PAX5: variants seen among roughly 807,000 people sequenced by gnomAD.
The protein encoded by PAX5 is paired box protein Pax-5.
Under a neutral mutation model 43.7 loss-of-function variants are expected in PAX5, and 9 were observed. The observed-to-expected ratio is 0.21, with a 90% confidence interval of 0.12 to 0.36. The LOEUF (loss-of-function observed/expected upper bound fraction) is 0.36. Among genes scored for constraint, PAX5 ranks in the 10% least tolerant of loss-of-function variants. The probability of loss-of-function intolerance (pLI) is 1.00; values close to 1 mark genes in which losing one functional copy is unlikely to be tolerated. For synonymous variants in PAX5, 228 were observed against 214.3 expected (o/e 1.06, Z -0.56); for missense variants, 383 against 532.7 (o/e 0.72, Z 2.77).
intron 5 of PAX5, among the ~76,000 whole-genome samples, chr9:36,968,907 GCACACACACACATGCACA>G (rs1834684392): frequency 6.6e-6 from 1 of 151,948 alleles, no homozygotes; most frequent in Admixed American, 6.6e-5. Flanking sequence ...AAGGTTCTAT[GCACACACACACATGCACA>G]CACACATGCA....
At chr9:36,858,177 A>G (rs1294099816) in intron 8 of PAX5, among the ~76,000 whole-genome samples, 2 of 152,274 alleles carry the variant, frequency 1.3e-5, no homozygotes, top group Non-Finnish European at 2.9e-5. Context: ...AAAGTATTAT[A>G]CAAATGTGAG....
At chr9:36,906,213 C>T (rs1272585170) in intron 7 of PAX5, among the ~76,000 whole-genome samples, 4 of 152,312 alleles carry the variant, frequency 2.6e-5, no homozygotes, top group South Asian at 4.1e-4. Flanking sequence ...TGTGACCTTA[C>T]ATGGCAAAAG....
chr9:36,959,358 A>G (rs953580272), intron 6 of PAX5, among the ~76,000 whole-genome samples: 3 of 152,230 alleles, frequency 2.0e-5, no homozygotes, highest in African/African-American at 4.8e-5. Flanking sequence ...AAGGAGGCCC[A>G]TTCCACTGTC....
At chr9:37,013,822 AC>A (rs1839168559) in intron 3 of PAX5, among the ~76,000 whole-genome samples, 1 of 152,176 alleles carries the variant, frequency 6.6e-6, no homozygotes, top group Non-Finnish European at 1.5e-5. Flanking sequence ...GAGAAGAAAA[AC>A]AGGCTAACAA....
At chr9:37,032,706 G>A (rs888522158) in intron 1 of PAX5, among the ~76,000 whole-genome samples, 2 of 152,234 alleles carry the variant, frequency 1.3e-5, no homozygotes, top group Non-Finnish European at 2.9e-5. Context: ...CCAGGGCCAA[G>A]AGAGTGTTTG....
chr9:36,953,334 T>TA (rs1833167593), intron 6 of PAX5, among the ~76,000 whole-genome samples: 1 of 152,202 alleles, frequency 6.6e-6, no homozygotes, highest in Admixed American at 6.5e-5. Context: ...ATTTTGGTGT[T>TA]CTCTAAGTTT....
intron 8 of PAX5, among the ~76,000 whole-genome samples, chr9:36,880,474 T>C (rs528892167): frequency 2.5e-4 from 38 of 152,362 alleles, no homozygotes; most frequent in Non-Finnish European, 5.0e-4. Context: ...CTCTCCCCAG[T>C]GCATGGGAGA....
chr9:36,933,098 C>G lies in PAX5; in HGVS notation c.781-9614G>C, dbSNP rs765440183. Among the ~76,000 whole-genome samples, 4 of 149,144 alleles carry G rather than the reference C, an allele frequency of 2.7e-5. No homozygotes were observed. In the East Asian group the frequency reaches 5.9e-4, roughly 22 times the overall value. On this transcript the variant is annotated intron_variant, in intron 6 of 9. Transcript: ENST00000358127. The stretch of plus-strand genomic sequence containing the variant: ...GGCGAACTTTGCAGTGAGCCAAGAT[C>G]GCACCACTGCATTCCAGCCTGGGTG...
In PAX5 at chr9:36,844,217, G is replaced by A. The variant is rs1013606785; in HGVS notation, c.1099+2626C>T. 5.3e-5 allele frequency among the ~76,000 whole-genome samples: 8 copies of A among 152,160 alleles called. No homozygotes were observed. The East Asian group carries it at 1.5e-3, about 29-fold the overall frequency. On this transcript the variant is annotated intron_variant, in intron 9 of 9. Coordinates refer to ENST00000358127, the MANE Select transcript of PAX5 (RefSeq NM_016734.3). ...ACTCCCAAGGCCTGTTTCTACAGAG[G>A]GGTGAGGCCTCTTTTCCTGGCTTGC...
intron 7 of PAX5, among the ~76,000 whole-genome samples, chr9:36,908,729 G>A (rs1210850233): frequency 6.6e-6 from 1 of 152,236 alleles, no homozygotes. Context: ...TGGGCTGGAT[G>A]CTGGAGGCCC....
chr9:36,950,288 G>T (rs12343443), intron 6 of PAX5, among the ~76,000 whole-genome samples: 4,049 of 152,316 alleles, frequency 0.027, 151 homozygotes, highest in African/African-American at 0.092. Context: ...TGGACTATGT[G>T]ATGATCTTCA....
chr9:37,004,134 C>T (rs923362331), intron 4 of PAX5, among the ~76,000 whole-genome samples: 2 of 152,206 alleles, frequency 1.3e-5, no homozygotes, highest in African/African-American at 4.8e-5. Flanking sequence ...TCTAGATTTC[C>T]CCCGCCCAGA....
chr9:36,958,612 A>ACCTCCTGG (rs1833698538), intron 6 of PAX5, among the ~76,000 whole-genome samples: 1 of 152,120 alleles, frequency 6.6e-6, no homozygotes, highest in South Asian at 2.1e-4. Flanking sequence ...AACGTCGCTT[A>ACCTCCTGG]TACCCTAGCA....
intron 6 of PAX5, among the ~76,000 whole-genome samples, chr9:36,944,994 C>T (rs113252859): frequency 0.016 from 2,459 of 152,298 alleles, 75 homozygotes; most frequent in African/African-American, 0.056. Context: ...CCTGAAGCCA[C>T]GCAGAGTGAG....
chr9:37,016,083 T>C (rs919213818), intron 2 of PAX5, among the ~76,000 whole-genome samples: 2 of 152,224 alleles, frequency 1.3e-5, no homozygotes, highest in South Asian at 4.1e-4. Flanking sequence ...TCTACAGGTA[T>C]AAAGCAGAGA....
intron 8 of PAX5, among the ~76,000 whole-genome samples, chr9:36,881,610 C>T (rs1208135181): frequency 4.0e-5 from 6 of 151,646 alleles, no homozygotes; most frequent in South Asian, 2.1e-4. Context: ...AGCACCTCAG[C>T]GCCTTCTGCT....
chr9:36,982,271 AT>A (rs1173936191), intron 5 of PAX5, among the ~76,000 whole-genome samples: 1 of 152,194 alleles, frequency 6.6e-6, no homozygotes, highest in East Asian at 1.9e-4. Context: ...CTCAAAAAAA[AT>A]AAAAAAATAA....
At chr9:36,947,620 T>G (rs544130281) in intron 6 of PAX5, among the ~76,000 whole-genome samples, 11 of 152,242 alleles carry the variant, frequency 7.2e-5, no homozygotes, top group African/African-American at 2.2e-4. Flanking sequence ...GTGAAAGTAT[T>G]TAAGGATATG....
intron 8 of PAX5, among the ~76,000 whole-genome samples, chr9:36,865,537 G>A (rs2131675444): frequency 6.6e-6 from 1 of 152,318 alleles, no homozygotes; most frequent in Admixed American, 6.5e-5. Context: ...AGGGAAGAGA[G>A]GAGGGAAGGC....
Sources: gnomAD v4.1 joint callset for allele counts (sites outside exome capture counted in the v4.1 genomes callset) on GRCh38, gnomAD v4.1.1 for gene constraint, MANE v1.5 for transcripts, NCBI Gene and HGNC (gene_info 2026-07-23, HGNC 2026-07-21) for gene names.